Variants in NRXN3 observed in about 807,000 individuals in gnomAD.
NRXN3 encodes neurexin III.
NRXN3 carries 32 observed loss-of-function variants against 137.6 expected under a neutral mutation model. The observed-to-expected ratio is 0.23, with a 90% CI of 0.18 to 0.31. The LOEUF is 0.31. NRXN3 is among the 10% of genes least tolerant of loss of function. The pLI is 1.00. For missense variants in NRXN3, 1,574 were observed against 2,062.5 expected (o/e 0.76, Z 4.59); for synonymous variants, 798 against 784.5 (o/e 1.02, Z -0.29).
intron 10 of NRXN3, among the ~76,000 whole-genome samples, chr14:78,878,194 C>T (rs774923001): frequency 6.6e-6 from 1 of 152,060 alleles, no homozygotes; most frequent in Non-Finnish European, 1.5e-5. Flanking sequence ...TTGGGCATGT[C>T]GTACTCAGTT....
chr14:79,701,780 T>C (rs2098755582), intron 19 of NRXN3, among the ~76,000 whole-genome samples: 1 of 152,046 alleles, frequency 6.6e-6, no homozygotes, highest in Non-Finnish European at 1.5e-5. Context: ...GCAACCAACC[T>C]AAGTCTACCA....
intron 16 of NRXN3, among the ~76,000 whole-genome samples, chr14:79,529,997 G>A (rs1322209590): frequency 6.6e-6 from 1 of 152,156 alleles, no homozygotes; most frequent in Admixed American, 6.5e-5. Flanking sequence ...CTTTGAAATT[G>A]TACTTTCATG....
intron 4 of NRXN3, among the ~76,000 whole-genome samples, chr14:78,336,447 T>C (rs1187766786): frequency 6.6e-6 from 1 of 152,170 alleles, no homozygotes; most frequent in African/African-American, 2.4e-5. Context: ...TCTGCTTTGC[T>C]CCTGGCAGTG....
At chr14:78,522,489 A>C (rs1386945479) in intron 4 of NRXN3, among the ~76,000 whole-genome samples, 1 of 152,176 alleles carries the variant, frequency 6.6e-6, no homozygotes, top group Non-Finnish European at 1.5e-5. Context: ...GAAATAGTTG[A>C]CTACAATTAA....
intron 15 of NRXN3, among the ~76,000 whole-genome samples, chr14:79,288,002 G>A (rs1193964916): frequency 6.6e-6 from 1 of 152,170 alleles, no homozygotes; most frequent in Non-Finnish European, 1.5e-5. Flanking sequence ...CACTGGAACT[G>A]CATGAGTCTC....
intron 15 of NRXN3, among the ~76,000 whole-genome samples, chr14:79,369,171 G>T (rs10133313): frequency 1.3e-5 from 2 of 152,168 alleles, no homozygotes; most frequent in Admixed American, 6.5e-5. Flanking sequence ...TAGGTAGAGG[G>T]TATAATCAAA....
chr14:79,820,705 G>T (rs1017279926), intron 20 of NRXN3, among the ~76,000 whole-genome samples: 1 of 151,358 alleles, frequency 6.6e-6, no homozygotes, highest in Non-Finnish European at 1.5e-5. Flanking sequence ...TCGTTTCCTT[G>T]TGTTCCTAAG....
intron 15 of NRXN3, among the ~76,000 whole-genome samples, chr14:79,036,215 C>T (rs576838051): frequency 4.6e-5 from 7 of 152,014 alleles, no homozygotes; most frequent in Middle Eastern, 3.2e-3. Flanking sequence ...ACTTCCCCCC[C>T]ACCTCCAACT....
intron 4 of NRXN3, among the ~76,000 whole-genome samples, chr14:78,590,145 T>C (rs1269744230): frequency 6.6e-6 from 1 of 152,192 alleles, no homozygotes; most frequent in South Asian, 2.1e-4. Context: ...AGGAGGTTTC[T>C]TTGTTGTTTT....
At chr14:79,131,398 A>G (rs541649683) in intron 15 of NRXN3, among the ~76,000 whole-genome samples, 4 of 151,986 alleles carry the variant, frequency 2.6e-5, no homozygotes, top group African/African-American at 9.7e-5. Flanking sequence ...CTTCTAACAG[A>G]CAGGACCCTC....
intron 15 of NRXN3, among the ~76,000 whole-genome samples, chr14:79,436,847 CA>C (rs1407467774): frequency 6.6e-6 from 1 of 152,152 alleles, no homozygotes; most frequent in Admixed American, 6.5e-5. Flanking sequence ...CTCTGCTTTT[CA>C]TTCAGAAACT....
At chr14:78,518,896 A>T (rs927770488) in intron 4 of NRXN3, among the ~76,000 whole-genome samples, 1 of 151,762 alleles carries the variant, frequency 6.6e-6, no homozygotes, top group Non-Finnish European at 1.5e-5. Context: ...ATCACTGTGG[A>T]TTTCCTCTCT....
intron 15 of NRXN3, among the ~76,000 whole-genome samples, chr14:79,251,564 T>C (rs2075933078): frequency 6.6e-6 from 1 of 152,110 alleles, no homozygotes; most frequent in South Asian, 2.1e-4. Context: ...TAGGTGGTTA[T>C]GGTTCGGATT....
chr14:79,677,162 T>C (rs1045092163), intron 17 of NRXN3, among the ~76,000 whole-genome samples: 2 of 152,072 alleles, frequency 1.3e-5, no homozygotes, highest in African/African-American at 4.8e-5. Flanking sequence ...ACAAATATGA[T>C]TTTATTGAAA....
chr14:79,021,634 T>C (rs574120506), intron 15 of NRXN3, among the ~76,000 whole-genome samples: 2 of 152,212 alleles, frequency 1.3e-5, no homozygotes, highest in Admixed American at 1.3e-4. Context: ...GCTCTAATAC[T>C]AGATTGAATG....
chr14:79,616,000 C>T (rs1011319895), intron 16 of NRXN3, among the ~76,000 whole-genome samples: 1 of 152,048 alleles, frequency 6.6e-6, no homozygotes, highest in Non-Finnish European at 1.5e-5. Context: ...AATTCATACC[C>T]AGCAGTATGA....
At chr14:79,838,116 CCAAG>C (rs1465908079) in intron 20 of NRXN3, among the ~76,000 whole-genome samples, 2 of 151,950 alleles carry the variant, frequency 1.3e-5, no homozygotes, top group African/African-American at 4.8e-5. Context: ...TTTGAGGGAC[CCAAG>C]CAAGCCTAAC....
intron 4 of NRXN3, among the ~76,000 whole-genome samples, chr14:78,517,547 C>T (rs1216585109): frequency 6.6e-6 from 1 of 152,190 alleles, no homozygotes; most frequent in African/African-American, 2.4e-5. Flanking sequence ...CTTCAGTTCA[C>T]ATTTTGCTCA....
intron 16 of NRXN3, among the ~76,000 whole-genome samples, chr14:79,637,965 A>C (rs1029502642): frequency 6.6e-6 from 1 of 151,756 alleles, no homozygotes; most frequent in African/African-American, 2.4e-5. Flanking sequence ...CCTGACCTCA[A>C]GTGATCCACC....
Sources: gnomAD v4.1 joint callset for allele counts (sites outside exome capture counted in the v4.1 genomes callset) on GRCh38, gnomAD v4.1.1 for gene constraint, MANE v1.5 for transcripts, NCBI Gene and HGNC (gene_info 2026-07-23, HGNC 2026-07-21) for gene names.